Variants in R3HCC1 observed in about 807,000 individuals in gnomAD.
R3HCC1 encodes R3H domain and coiled-coil containing 1.
R3HCC1 carries 32 observed loss-of-function variants against 40.0 expected under a neutral mutation model. The ratio of observed to expected loss-of-function variants is 0.80; its 90% CI spans 0.60 to 1.07. R3HCC1 has a LOEUF of 1.07. R3HCC1 is among the 50% of genes least tolerant of loss of function. R3HCC1 has a pLI of 0.00. For synonymous variants in R3HCC1, 237 were observed against 232.8 expected (o/e 1.02, Z -0.17); for missense variants, 586 against 563.3 (o/e 1.04, Z -0.41).
Position 23,293,385 on chromosome 8 carries a change from C to T in R3HCC1, c.1096+12C>T. On this transcript the variant is annotated intron_variant, in intron 6 of 7. Coordinates refer to ENST00000265806, the MANE Select transcript of R3HCC1 (RefSeq NM_001136108.3). ...CTGCCTGGCCTCAGGTAAGGCACCC[C>T]CAGTGGGCCCAGCCCTTGCTCGGAT... The T allele has an allele frequency of 1.3e-6, 2 of 1,546,248 alleles. No homozygotes were observed. The highest frequency in any genetic ancestry group is 1.8e-6 in the Non-Finnish European group (2 of 1,142,422).
intron 4 of R3HCC1, chr8:23,291,063 G>T (rs2117121698): frequency 3.7e-6 from 1 of 269,050 alleles, no homozygotes; most frequent in African/African-American, 2.1e-5. Context: ...CTTAACTCTT[G>T]GGCCTTCAGT....
At chr8:23,294,535 A>T (rs371019513) in intron 6 of R3HCC1, among the ~76,000 whole-genome samples, 1 of 152,170 alleles carries the variant, frequency 6.6e-6, no homozygotes, top group African/African-American at 2.4e-5. Flanking sequence ...CTCCCTGACC[A>T]GCCTGGGGTG....
intron 5 of R3HCC1, among the ~76,000 whole-genome samples, chr8:23,291,793 G>A (rs777168064): frequency 6.6e-6 from 1 of 152,250 alleles, no homozygotes; most frequent in Non-Finnish European, 1.5e-5. Context: ...CCACACGCCT[G>A]CCAGGATGCC....
At chr8:23,295,786 AGGATCCCT>A (rs1185827651) in intron 7 of R3HCC1, among the ~76,000 whole-genome samples, 173 bp from the exon 8 acceptor site, 5 of 152,174 alleles carry the variant, frequency 3.3e-5, no homozygotes, top group Non-Finnish European at 2.9e-5. Context: ...CTGGGGGGCC[AGGATCCCT>A]AAGTTGGCCC....
intron 4 of R3HCC1, 89 bp from the exon 5 acceptor site, chr8:23,291,272 T>G (rs1802860121): frequency 1.0e-5 from 15 of 1,455,902 alleles, no homozygotes; most frequent in Non-Finnish European, 1.3e-5. Flanking sequence ...GTGGGCCCCT[T>G]CTCCCTGCAG....
At chr8:23,293,546 C>G (rs937119740) in intron 6 of R3HCC1, among the ~76,000 whole-genome samples, 173 bp downstream of exon 6, 1 of 152,234 alleles carries the variant, frequency 6.6e-6, no homozygotes, top group South Asian at 2.1e-4. Flanking sequence ...GTCTCTGGCC[C>G]ATAGTAATGC....
chr8:23,293,979 A>C (rs1802931725), intron 6 of R3HCC1, among the ~76,000 whole-genome samples: 1 of 152,096 alleles, frequency 6.6e-6, no homozygotes, highest in African/African-American at 2.4e-5. Context: ...ATTTGGTATA[A>C]TTTATAGTTA....
In R3HCC1 at chr8:23,296,161, G is replaced by C. The variant is rs1283758590; in HGVS notation, c.*64G>C. On this transcript the variant is annotated 3_prime_UTR_variant, in exon 8 of 8. Transcript: ENST00000265806. ...GTAGCTGGCGCCCCCAACACCATAAGCCTTCACAGACGCCAGAGCAGCCCC... is the reference window on the plus strand; with the variant it reads ...GTAGCTGGCGCCCCCAACACCATAACCCTTCACAGACGCCAGAGCAGCCCC... 3.3e-6 allele frequency: 5 copies of C among 1,498,750 alleles called. No individual in the cohort carries two copies. Among genetic ancestry groups the C allele is most frequent in the Non-Finnish European group, 4.5e-6 (5 of 1,120,464 alleles). 92.8% of individuals were successfully genotyped at this position (1,498,750 alleles called of 1,614,324 possible). A position where few individuals can be genotyped will look rare whatever the true frequency, so the allele number is the denominator to read the frequency against.
Position 23,293,302 on chromosome 8 carries a change from G to T in R3HCC1, c.1026-1G>T. 6.4e-7 allele frequency: 1 copy of T among 1,551,370 alleles called. No homozygotes were observed. The highest frequency in any genetic ancestry group is 8.7e-7 in the Non-Finnish European group (1 of 1,146,832). On this transcript the variant is annotated splice_acceptor_variant, in intron 5 of 7. Coordinates refer to ENST00000265806, the MANE Select transcript of R3HCC1 (RefSeq NM_001136108.3). LOFTEE classifies it high-confidence loss of function. ...GTGCTGTCTCCTCTCTCGCCGCACA[G>T]AGAGAAGGGGTTCAGGATTCAGTGG...
intron 5 of R3HCC1, among the ~76,000 whole-genome samples, chr8:23,293,020 T>C (rs1802902228): frequency 6.6e-6 from 1 of 152,192 alleles, no homozygotes; most frequent in Admixed American, 6.5e-5. Context: ...TCTTCCTCCT[T>C]GGTGTCGTGC....
At chr8:23,291,140 A>G (rs1802858327) in intron 4 of R3HCC1, 3 of 476,520 alleles carry the variant, frequency 6.3e-6, no homozygotes, top group Non-Finnish European at 1.1e-5. Context: ...TATGTGTGTA[A>G]TTGCCAGTCA....
At chr8:23,294,923 A>ATGTGTGTGTGTGCGTG (rs368449069) in intron 7 of R3HCC1, 59 bp downstream of exon 7, 3 of 1,215,016 alleles carry the variant, frequency 2.5e-6, no homozygotes, top group Non-Finnish European at 2.4e-6. Context: ...GCGTGCGAGC[A>ATGTGTGTGTGTGCGTG]TGTGTGTGTG....
Position 23,290,236 on chromosome 8 carries a change from C to G in R3HCC1, c.619C>G (p.Leu207Val). The change falls in exon 4 of 8, where the codon CTG becomes GTG. Residue 207 changes from leucine (L) to valine (V), a missense_variant. Coordinates refer to ENST00000265806, the MANE Select transcript of R3HCC1 (RefSeq NM_001136108.3). ...AGGACAAAGGTGTGAGAATGAGCCA[C>G]TGCTGGACCCTGTTGGCCCTGAGCC... The G allele has an allele frequency of 6.4e-7, 1 of 1,551,754 alleles. No individual in the cohort carries two copies. Among genetic ancestry groups the G allele is most frequent in the South Asian group, 1.2e-5 (1 of 84,062 alleles).
In R3HCC1 at chr8:23,288,154, C is replaced by T. The variant is rs745999196; in HGVS notation, c.-22C>T. On this transcript the variant is annotated 5_prime_UTR_variant, in exon 1 of 8. Transcript: ENST00000265806. ...GGGCGGCTGCGACGCGCCGAGAGGC[C>T]GCGGTGAGTGCAGCAGCACTGGGGG... The T allele has an allele frequency of 4.6e-5, 58 of 1,248,418 alleles. No individual in the cohort carries two copies. Among genetic ancestry groups the T allele is most frequent in the African/African-American group, 9.4e-5 (6 of 63,930 alleles). The allele number at this position is 1,248,418 out of a possible 1,614,324, so 77.3% of individuals were successfully genotyped here.
chr8:23,295,404 C>A, intron 7 of R3HCC1: 1 of 453,792 alleles, frequency 2.2e-6, no homozygotes, highest in South Asian at 1.6e-5. Flanking sequence ...CCTGAGGGCA[C>A]ATAGAAGGTA....
At position 23,296,072 on chromosome 8, in the gene R3HCC1, C is replaced by G; in HGVS notation, c.1298C>G (p.Ala433Gly). 1 of 1,550,536 alleles carries G rather than the reference C, an allele frequency of 6.4e-7. No homozygotes were observed. The highest frequency in any genetic ancestry group is 8.7e-7 in the Non-Finnish European group (1 of 1,146,898). Residue 433 changes from alanine (A) to glycine (G), a missense_variant, in exon 8 of 8, where the codon GCT (alanine) becomes GGT (glycine). Ala to Gly is a moderately conservative substitution (Grantham distance 60). Coordinates refer to ENST00000265806, the MANE Select transcript of R3HCC1 (RefSeq NM_001136108.3). ...CAACACAAAAAGAAAGAGCGGCCTG[C>G]TGTCCGGGGTCCGCTGCCGCCCTGA... is the stretch of plus-strand genomic sequence containing the variant.
intron 5 of R3HCC1, 58 bp from the exon 6 acceptor site, chr8:23,293,245 G>T: frequency 7.0e-7 from 1 of 1,427,436 alleles, no homozygotes. Flanking sequence ...TGCGGGATTC[G>T]AAGAGGAGTT....
At position 23,290,211 on chromosome 8, in the gene R3HCC1, AG is replaced by A. The variant is rs1417186401; in HGVS notation, c.596del (p.Gly199AspfsTer42). 1 of 1,551,774 alleles carries A rather than the reference AG, an allele frequency of 6.4e-7. No individual in the cohort carries two copies. The highest frequency in any genetic ancestry group is 1.2e-5 in the South Asian group (1 of 84,068). ...AGGGAACAGAGGACCTAAAGGGCCC[AG>A]GACAAAGGTGTGAGAATGAGCCACT... On this transcript the variant is annotated frameshift_variant, in exon 4 of 8. Transcript: ENST00000265806. LOFTEE classifies it high-confidence loss of function.
chr8:23,290,166 A>C lies in R3HCC1; in HGVS notation c.549A>C (p.Gly183=). The change falls in exon 4 of 8, where the codon GGA becomes GGC. Residue 183 remains glycine (G), a synonymous_variant. Coordinates refer to ENST00000265806, the MANE Select transcript of R3HCC1 (RefSeq NM_001136108.3). ...CTGGAGACCCCAACTCTGATCAGGG[A>C]CTCCCTGTGCTGATGACTCAGGGAA... is the stretch of plus-strand genomic sequence containing the variant. 1 of 1,551,392 alleles carries C rather than the reference A, an allele frequency of 6.4e-7. No homozygotes were observed. The highest frequency in any genetic ancestry group is 8.7e-7 in the Non-Finnish European group (1 of 1,146,924).
Sources: gnomAD v4.1 joint callset for allele counts (sites outside exome capture counted in the v4.1 genomes callset) on GRCh38, gnomAD v4.1.1 for gene constraint, MANE v1.5 for transcripts, NCBI Gene and HGNC (gene_info 2026-07-23, HGNC 2026-07-21) for gene names.